The following TCF24 variants were observed in gnomAD, a reference collection of about 807,000 sequenced individuals.
TCF24 encodes transcription factor 24.
Under a neutral mutation model 9.3 loss-of-function variants are expected in TCF24, and 5 were observed. That is an observed-to-expected ratio of 0.54 (90% CI 0.28 to 1.13). The LOEUF is 1.13. Among genes scored for constraint, TCF24 ranks in the 50% most tolerant of loss-of-function variants. The pLI, the probability that TCF24 is intolerant of heterozygous loss-of-function variation, is 0.09. For missense variants in TCF24, 220 were observed against 236.1 expected (o/e 0.93, Z 0.45); for synonymous variants, 110 against 115.8 (o/e 0.95, Z 0.32).
chr8:66,948,654 A>ACTATCTATCTATCTAT (rs10524696), intron 3 of TCF24, among the ~76,000 whole-genome samples: 118 of 146,648 alleles, frequency 8.0e-4, no homozygotes, highest in East Asian at 1.4e-3. Flanking sequence ...AAAAGTGTCA[A>ACTATCTATCTATCTAT]CTATCTATCT....
rs113913659 is a variant in TCF24, at chr8:66,949,116, T to A, written c.391-952A>T. On this transcript the variant is annotated intron_variant, in intron 3 of 3. Coordinates refer to ENST00000563496, the MANE Select transcript of TCF24 (RefSeq NM_001193502.2). The stretch of plus-strand genomic sequence containing the variant: ...TAGCTCTTTTTTTTTCTTTTTTTTT[T>A]ATTATACTTTAAGTTTTAGGGTACA... Among the ~76,000 whole-genome samples, 331 of 152,248 alleles carry A rather than the reference T, an allele frequency of 2.2e-3. 2 individuals carry two copies. Among genetic ancestry groups the A allele is most frequent in the African/African-American group, 6.3e-3 (263 of 41,544 alleles).
intron 3 of TCF24, among the ~76,000 whole-genome samples, chr8:66,957,966 A>G (rs1814189387): frequency 1.3e-5 from 2 of 150,844 alleles, no homozygotes; most frequent in African/African-American, 4.9e-5. Flanking sequence ...AGACAAATGA[A>G]GGCGTCTATT....
intron 3 of TCF24, among the ~76,000 whole-genome samples, chr8:66,954,769 G>C (rs1192196899): frequency 7.3e-6 from 1 of 137,850 alleles, no homozygotes; most frequent in South Asian, 2.4e-4. Context: ...AGGACCCTCC[G>C]AGCCAGGTGC....
chr8:66,949,101 T>A (rs574704650), intron 3 of TCF24, among the ~76,000 whole-genome samples: 1 of 152,174 alleles, frequency 6.6e-6, no homozygotes, highest in Admixed American at 6.6e-5. Context: ...TAGCTCTTTT[T>A]TTTTCTTTTT....
rs575831527 is a variant in TCF24, at chr8:66,957,168, G to A, written c.390+4208C>T. Among the ~76,000 whole-genome samples, 20 of 137,810 alleles carry A rather than the reference G, an allele frequency of 1.5e-4. No homozygotes were observed. In the East Asian group the frequency reaches 3.7e-3, roughly 25 times the overall value. 90.4% of individuals were successfully genotyped at this position (137,810 alleles called of 152,430 possible). On this transcript the variant is annotated intron_variant, in intron 3 of 3. Transcript: ENST00000563496. ...GGATGCAGTGGCTCATGTAATCCCA[G>A]TACTTTGGGAGGCCGAGGTGGGTGG...
rs189964849 is a variant in TCF24, at chr8:66,946,938, T to C, written c.*1113A>G. 73 of 152,226 alleles carry C rather than the reference T, an allele frequency of 4.8e-4. 1 individual carries two copies. Among genetic ancestry groups the C allele is most frequent in the Middle Eastern group, 3.4e-3 (1 of 292 alleles). 9.4% of individuals were successfully genotyped at this position (152,226 alleles called of 1,614,324 possible). On this transcript the variant is annotated 3_prime_UTR_variant, in exon 4 of 4. Coordinates refer to ENST00000563496, the MANE Select transcript of TCF24 (RefSeq NM_001193502.2). ...GTTTACAATTCAGTTTGAGGTAACT[T>C]TGAAGAAGTTTTGATTTCATTCCTT...
chr8:66,960,201 TAA>T (rs797013415), intron 3 of TCF24, among the ~76,000 whole-genome samples: 12 of 152,250 alleles, frequency 7.9e-5, no homozygotes, highest in African/African-American at 2.9e-4. Flanking sequence ...ACAAATGAAA[TAA>T]AGTCTATCGT....
intron 3 of TCF24, among the ~76,000 whole-genome samples, chr8:66,961,132 C>G (rs1197419787): frequency 6.6e-6 from 1 of 152,192 alleles, no homozygotes; most frequent in Non-Finnish European, 1.5e-5. Context: ...AAGAGGCTTG[C>G]GAGACTCTTA....
rs374661047 is a variant in TCF24 at position 66,958,003 on chromosome 8, A to C, written c.390+3373T>G. Among the ~76,000 whole-genome samples, 5 of 152,038 alleles carry C rather than the reference A, an allele frequency of 3.3e-5. No homozygotes were observed. The East Asian group carries it at 9.6e-4, about 29-fold the overall frequency. ...CATCCTTGCTAGGATAAAATTAACG[A>C]AGCAAACCTAAAATTGTATATGTGA... On this transcript the variant is annotated intron_variant, in intron 3 of 3. Coordinates refer to ENST00000563496, the MANE Select transcript of TCF24 (RefSeq NM_001193502.2).
chr8:66,961,429 C>G lies in TCF24; in HGVS notation c.337G>C (p.Ala113Pro), dbSNP rs1814250706. 1 of 1,520,018 alleles carries G rather than the reference C, an allele frequency of 6.6e-7. No homozygotes were observed. The highest frequency in any genetic ancestry group is 2.6e-5 in the East Asian group (1 of 39,138). The allele number at this position is 1,520,018 out of a possible 1,614,324, so 94.2% of individuals were successfully genotyped here. The change falls in exon 3 of 4, where the codon GCG (alanine) becomes CCG (proline). Residue 113 changes from alanine (A) to proline (P), a missense_variant. Physicochemically the swap from Ala to Pro is conservative, Grantham distance 27 (BLOSUM62 -1). Transcript: ENST00000563496. Reference sequence around the variant, plus strand: ...CGCAGGGCGCCCAACCCGGCGTCCGCCGGCGCCTCGGCGTCGTCCTGCAGG... The same window carrying G: ...CGCAGGGCGCCCAACCCGGCGTCCGGCGGCGCCTCGGCGTCGTCCTGCAGG... ...RSLQDDAEAP[A>P]DAGLGALRGD...
intron 3 of TCF24, among the ~76,000 whole-genome samples, chr8:66,959,034 T>C (rs1281676845): frequency 6.6e-6 from 1 of 152,230 alleles, no homozygotes; most frequent in Admixed American, 6.5e-5. Context: ...TGGTGCAATG[T>C]AGCCACAATC....
intron 3 of TCF24, among the ~76,000 whole-genome samples, chr8:66,956,833 T>A (rs1814162035): frequency 6.6e-6 from 1 of 151,870 alleles, no homozygotes; most frequent in Non-Finnish European, 1.5e-5. Context: ...ACCTCTAAGG[T>A]GATGGGATTT....
chr8:66,953,600 C>G (rs1173426201), intron 3 of TCF24, among the ~76,000 whole-genome samples: 2 of 151,084 alleles, frequency 1.3e-5, no homozygotes, highest in Non-Finnish European at 3.0e-5. Context: ...CGAGGAGTAT[C>G]TTTGTGGCGT....
At chr8:66,952,515 G>A (rs1433181519) in intron 3 of TCF24, among the ~76,000 whole-genome samples, 2 of 147,200 alleles carry the variant, frequency 1.4e-5, no homozygotes, top group African/African-American at 2.5e-5. Flanking sequence ...TTACTTCCAA[G>A]TATGTGGTCA....
chr8:66,960,619 T>C (rs1814237381), intron 3 of TCF24, among the ~76,000 whole-genome samples: 1 of 152,230 alleles, frequency 6.6e-6, no homozygotes, highest in Non-Finnish European at 1.5e-5. Context: ...CATAATCATA[T>C]ATACCATGTT....
intron 3 of TCF24, 121 bp downstream of exon 3, chr8:66,961,255 C>T (rs1470030736): frequency 2.4e-6 from 3 of 1,260,872 alleles, no homozygotes; most frequent in African/African-American, 3.1e-5. Flanking sequence ...GTCGTTCTCC[C>T]GGTCGGCTTC....
chr8:66,952,859 T>C (rs1307326658), intron 3 of TCF24, among the ~76,000 whole-genome samples: 11 of 144,830 alleles, frequency 7.6e-5, no homozygotes, highest in African/African-American at 2.8e-4. Context: ...ATGGCCTTCT[T>C]TGTCTCTTTT....
Position 66,961,917 on chromosome 8 carries a change from G to T in TCF24, c.-64C>A. On this transcript the variant is annotated 5_prime_UTR_variant, in exon 2 of 4. Coordinates refer to ENST00000563496, the MANE Select transcript of TCF24 (RefSeq NM_001193502.2). Reference sequence around the variant, plus strand: ...GCTAAGGGCGCTCTCAAGCGAGCTCGTTTTGCCTGGGACGCGATTTGCTTC... The same window carrying T: ...GCTAAGGGCGCTCTCAAGCGAGCTCTTTTTGCCTGGGACGCGATTTGCTTC... The T allele has an allele frequency of 1.7e-6, 1 of 602,060 alleles. No homozygotes were observed. Among genetic ancestry groups the T allele is most frequent in the Non-Finnish European group, 2.1e-6 (1 of 471,990 alleles). The allele number at this position is 602,060 out of a possible 1,614,324, so 37.3% of individuals were successfully genotyped here. A position where few individuals can be genotyped will look rare whatever the true frequency, so the allele number is the denominator to read the frequency against.
At chr8:66,948,847 C>T (rs945281259) in intron 3 of TCF24, among the ~76,000 whole-genome samples, 1 of 152,104 alleles carries the variant, frequency 6.6e-6, no homozygotes, top group African/African-American at 2.4e-5. Flanking sequence ...AGGAGCATAC[C>T]ACCAAGCCTG....
Sources: gnomAD v4.1 joint callset for allele counts (sites outside exome capture counted in the v4.1 genomes callset) on GRCh38, gnomAD v4.1.1 for gene constraint, MANE v1.5 for transcripts, NCBI Gene and HGNC (gene_info 2026-07-23, HGNC 2026-07-21) for gene names.